CLASP1: variants seen among roughly 807,000 people sequenced by gnomAD.
CLASP1 encodes CLIP-associating protein 1.
Under a neutral mutation model 192.3 loss-of-function variants are expected in CLASP1, and 38 were observed. That is an observed-to-expected ratio of 0.20 (90% CI 0.15 to 0.26). The LOEUF (loss-of-function observed/expected upper bound fraction) is 0.26. Among genes scored for constraint, CLASP1 ranks in the 10% least tolerant of loss-of-function variants. The probability of loss-of-function intolerance (pLI) is 1.00; values close to 1 mark genes in which losing one functional copy is unlikely to be tolerated. For missense variants in CLASP1, 1,433 were observed against 1,932.5 expected, an observed-to-expected ratio of 0.74 and a Z score of 4.85; for synonymous variants, 691 against 712.8, an observed-to-expected ratio of 0.97 and a Z score of 0.49.
intron 2 of CLASP1, among the ~76,000 whole-genome samples, chr2:121,557,444 C>T (rs920247733): frequency 6.6e-6 from 1 of 151,684 alleles, no homozygotes; most frequent in Non-Finnish European, 1.5e-5. Flanking sequence ...ATTAGCTGGG[C>T]GTGGTGGCAG....
At chr2:121,493,534 A>G (rs1187184196) in intron 8 of CLASP1, among the ~76,000 whole-genome samples, 1 of 152,230 alleles carries the variant, frequency 6.6e-6, no homozygotes, top group African/African-American at 2.4e-5. Flanking sequence ...ACCTCAAACT[A>G]TAAAACTACT....
At chr2:121,635,767 T>C (rs1378078393) in intron 1 of CLASP1, among the ~76,000 whole-genome samples, 2 of 152,250 alleles carry the variant, frequency 1.3e-5, no homozygotes, top group South Asian at 4.1e-4. Context: ...TACATACTCA[T>C]TGCTCAAACT....
chr2:121,648,048 A>G (rs2073495539), intron 1 of CLASP1, among the ~76,000 whole-genome samples: 1 of 152,254 alleles, frequency 6.6e-6, no homozygotes, highest in Non-Finnish European at 1.5e-5. Context: ...AATGTAAAAA[A>G]TAAATAATAT....
intron 1 of CLASP1, among the ~76,000 whole-genome samples, chr2:121,614,618 G>C (rs530075209): frequency 6.6e-6 from 1 of 152,260 alleles, no homozygotes; most frequent in South Asian, 2.1e-4. Flanking sequence ...TACTCAATGG[G>C]TATTTGTAGA....
At chr2:121,598,848 C>T (rs2063442457) in intron 2 of CLASP1, among the ~76,000 whole-genome samples, 3 of 152,124 alleles carry the variant, frequency 2.0e-5, no homozygotes, top group Admixed American at 6.6e-5. Flanking sequence ...CTCCAGCCAA[C>T]GTTTTTATTT....
At chr2:121,468,826 C>A (rs1390314045) in intron 9 of CLASP1, among the ~76,000 whole-genome samples, 1 of 152,128 alleles carries the variant, frequency 6.6e-6, no homozygotes, top group Non-Finnish European at 1.5e-5. Context: ...TCGTTATTAT[C>A]CACATTCTGA....
At chr2:121,644,376 G>A (rs2072732758) in intron 1 of CLASP1, among the ~76,000 whole-genome samples, 1 of 151,928 alleles carries the variant, frequency 6.6e-6, no homozygotes, top group Admixed American at 6.6e-5. Flanking sequence ...ATGGCCGGGG[G>A]CAGTGGGTCA....
intron 8 of CLASP1, among the ~76,000 whole-genome samples, chr2:121,494,778 T>C (rs572542602): frequency 1.2e-4 from 19 of 152,310 alleles, no homozygotes; most frequent in South Asian, 4.1e-4. Flanking sequence ...CCCAGCACTT[T>C]GGGAGGCCGA....
intron 8 of CLASP1, among the ~76,000 whole-genome samples, chr2:121,477,318 C>T (rs1415283293): frequency 2.0e-5 from 3 of 152,214 alleles, no homozygotes; most frequent in East Asian, 1.9e-4. Context: ...ACTTTTTTAA[C>T]GTGCATATGG....
At chr2:121,525,129 T>C (rs1257696427) in intron 6 of CLASP1, among the ~76,000 whole-genome samples, 1 of 152,190 alleles carries the variant, frequency 6.6e-6, no homozygotes, top group Non-Finnish European at 1.5e-5. Context: ...CTTCTTCTAA[T>C]GAAGTATCAT....
intron 2 of CLASP1, among the ~76,000 whole-genome samples, chr2:121,541,562 CTCTT>C (rs1448322656): frequency 1.3e-5 from 2 of 152,118 alleles, no homozygotes; most frequent in African/African-American, 4.8e-5. Context: ...TTTTTCATCT[CTCTT>C]TCTCTCTCTC....
chr2:121,509,829 C>T (rs900224190), intron 7 of CLASP1, among the ~76,000 whole-genome samples: 1 of 151,948 alleles, frequency 6.6e-6, no homozygotes, highest in African/African-American at 2.4e-5. Context: ...AAGAGTGAGA[C>T]TCTGCCTCAA....
chr2:121,522,476 T>C (rs1160975327), intron 6 of CLASP1, among the ~76,000 whole-genome samples: 1 of 152,232 alleles, frequency 6.6e-6, no homozygotes, highest in Non-Finnish European at 1.5e-5. Context: ...AAGTGCTAAC[T>C]TGAATTTTTG....
intron 1 of CLASP1, among the ~76,000 whole-genome samples, chr2:121,612,863 T>C (rs2065840691): frequency 6.6e-6 from 1 of 152,260 alleles, no homozygotes; most frequent in African/African-American, 2.4e-5. Flanking sequence ...GTCAGTTCTA[T>C]AATCATCATT....
chr2:121,451,908 G>A (rs1008475553), intron 14 of CLASP1, 59 bp from the exon 15 acceptor site: 38 of 1,239,452 alleles, frequency 3.1e-5, no homozygotes, highest in Admixed American at 1.0e-4. Flanking sequence ...AAATGAAAAC[G>A]GCATTTTTCT....
intron 2 of CLASP1, among the ~76,000 whole-genome samples, chr2:121,546,431 G>A (rs1242530412): frequency 1.3e-5 from 2 of 151,664 alleles, no homozygotes; most frequent in Non-Finnish European, 2.9e-5. Flanking sequence ...CCAGGTACAC[G>A]CATTGGGACC....
At chr2:121,366,049 C>T (rs375361302) in intron 35 of CLASP1, among the ~76,000 whole-genome samples, 1 of 152,296 alleles carries the variant, frequency 6.6e-6, no homozygotes, top group African/African-American at 2.4e-5. Context: ...TGTGTATTTG[C>T]ATACTTCTTT....
At chr2:121,495,670 G>A (rs1015997006) in intron 8 of CLASP1, among the ~76,000 whole-genome samples, 1 of 151,922 alleles carries the variant, frequency 6.6e-6, no homozygotes, top group Non-Finnish European at 1.5e-5. Context: ...TCAAAAAAAC[G>A]AATAAAAAAT....
chr2:121,503,294 TA>T, intron 7 of CLASP1, 60 bp from the exon 8 acceptor site: 1 of 977,366 alleles, frequency 1.0e-6, no homozygotes, highest in Non-Finnish European at 1.6e-6. Flanking sequence ...CCAATTATAT[TA>T]AAATGCTAAT....
Sources: allele counts gnomAD v4.1 joint callset (sites outside exome capture counted in the v4.1 genomes callset), GRCh38; gene constraint gnomAD v4.1.1; transcripts MANE v1.5; gene names NCBI Gene and HGNC (gene_info 2026-07-23, HGNC 2026-07-21).